CBLIF: variants seen among roughly 807,000 people sequenced by gnomAD.
CBLIF encodes the protein cobalamin binding intrinsic factor.
A neutral mutation model predicts 44.9 loss-of-function variants in CBLIF; 24 were observed. That is an observed-to-expected ratio of 0.53 (90% CI 0.39 to 0.75). The LOEUF is 0.75. Ranked by LOEUF, CBLIF falls within the 30% of genes least tolerant of loss-of-function variation. The pLI, the probability that CBLIF is intolerant of heterozygous loss-of-function variation, is 0.00. For synonymous variants in CBLIF, 183 were observed against 190.9 expected (o/e 0.96, Z 0.34); for missense variants, 481 against 513.0 (o/e 0.94, Z 0.60).
intron 5 of CBLIF, among the ~76,000 whole-genome samples, chr11:59,837,732 C>T (rs1405665155): frequency 6.6e-6 from 1 of 152,180 alleles, no homozygotes; most frequent in Non-Finnish European, 1.5e-5. Context: ...CATGTGCCCT[C>T]TTTGATGGAC....
Position 59,842,778 on chromosome 11 carries a change from A to T in CBLIF, c.371-195T>A, listed in dbSNP as rs1402155833. On this transcript the variant is annotated intron_variant, in intron 3 of 8. Coordinates refer to ENST00000257248, the MANE Select transcript of CBLIF (RefSeq NM_005142.3). ...CAGGCATCTGCAAAGAATAAAAGGG[A>T]TGACTCTGTGTCTTTAGACAGGTGA... The T allele has an allele frequency of 6.1e-6, 4 of 653,668 alleles. No homozygotes were observed. The African/African-American group carries it at 7.2e-5, about 12-fold the overall frequency. 40.5% of individuals were successfully genotyped at this position (653,668 alleles called of 1,614,324 possible).
At chr11:59,845,186 A>G in intron 1 of CBLIF, 189 bp downstream of exon 1, 1 of 747,768 alleles carries the variant, frequency 1.3e-6, no homozygotes, top group Non-Finnish European at 2.2e-6. Flanking sequence ...TAAAAAACAT[A>G]TAGACTTGTC....
Position 59,843,050 on chromosome 11 carries a change from T to C in CBLIF, c.348A>G (p.Gln116=), listed in dbSNP as rs991712279. 6.2e-7 allele frequency: 1 copy of C among 1,609,998 alleles called. No homozygotes were observed. ...PGDKVSILQR[Q]MENWAPSSPN... is the part of the protein sequence containing the mutation. ...TACTGGAAGGTGCCCAGTTCTCCAT[T>C]TGTCTTTGTAGAATGGATACTTTAT... Residue 116 remains glutamine, a synonymous_variant, in exon 3 of 9, where the codon CAA becomes CAG. Transcript: ENST00000257248.
chr11:59,841,257 T>C lies in CBLIF; in HGVS notation c.579A>G (p.Glu193=), dbSNP rs1477220677. 1.2e-6 allele frequency: 2 copies of C among 1,613,592 alleles called. No individual in the cohort carries two copies. Among genetic ancestry groups the C allele is most frequent in the Admixed American group, 1.7e-5 (1 of 60,024 alleles). ...MYNKIPVGSE[E]GYRSLFGQVL... is the part of the protein sequence containing the mutation. ...CCTGACCAAACAGGGATCTGTAACCTTCCTCTGAACCTACAGGGATCTTGT... is the reference window on the plus strand; with the variant it reads ...CCTGACCAAACAGGGATCTGTAACCCTCCTCTGAACCTACAGGGATCTTGT... Residue 193 remains glutamate, a synonymous_variant, in exon 5 of 9, where the codon GAA becomes GAG. Coordinates refer to ENST00000257248, the MANE Select transcript of CBLIF (RefSeq NM_005142.3).
At chr11:59,830,439 A>T (rs111802171) in intron 8 of CBLIF, among the ~76,000 whole-genome samples, 2,048 of 151,730 alleles carry the variant, frequency 0.013, 25 homozygotes, top group Non-Finnish European at 0.02. Flanking sequence ...GGGTTTCACC[A>T]TGTTAGCCAG....
At chr11:59,830,986 A>C (rs1866366681) in intron 8 of CBLIF, among the ~76,000 whole-genome samples, 1 of 152,232 alleles carries the variant, frequency 6.6e-6, no homozygotes. Context: ...AAGCATCTTT[A>C]CCAACCTATA....
At position 59,840,409 on chromosome 11, in the gene CBLIF, G is replaced by A. The variant is rs1049275697; in HGVS notation, c.693+734C>T. Among the ~76,000 whole-genome samples, 10 of 152,302 alleles carry A rather than the reference G, an allele frequency of 6.6e-5. No homozygotes were observed. In the East Asian group the frequency reaches 1.7e-3, roughly 26 times the overall value. On this transcript the variant is annotated intron_variant, in intron 5 of 8. Transcript: ENST00000257248. ...TTAGAGGATTCAGCCACAGATGGTT[G>A]CTAGTTTCTGATTCTAGTTGGTTAT...
In CBLIF at chr11:59,843,757, G is replaced by A. The variant is rs1866569872; in HGVS notation, c.256+122C>T. The stretch of plus-strand genomic sequence containing the variant: ...ACCTTCCAGGTATGTAAGGAAAGGT[G>A]TTTGGGTAGTTTATTTACAGTCAGA... On this transcript the variant is annotated intron_variant, in intron 2 of 8. Transcript: ENST00000257248. 3.9e-6 allele frequency: 3 copies of A among 772,254 alleles called. No individual in the cohort carries two copies. In the South Asian group the frequency reaches 4.3e-5, roughly 11 times the overall value. 47.8% of individuals were successfully genotyped at this position (772,254 alleles called of 1,614,324 possible). A position where few individuals can be genotyped will look rare whatever the true frequency, so the allele number is the denominator to read the frequency against.
intron 1 of CBLIF, among the ~76,000 whole-genome samples, chr11:59,844,489 AC>A (rs1452558891): frequency 2.0e-5 from 3 of 152,192 alleles, no homozygotes; most frequent in Non-Finnish European, 4.4e-5. Context: ...GTCCTAAGTC[AC>A]TAAAGAGAAA....
intron 7 of CBLIF, 151 bp downstream of exon 7, chr11:59,835,657 C>A (rs1866445021): frequency 2.8e-6 from 2 of 711,464 alleles, no homozygotes; most frequent in South Asian, 1.5e-5. Flanking sequence ...TTCATGAGAG[C>A]CTTACCTATT....
rs375893868 is a variant in CBLIF at position 59,841,133 on chromosome 11, A to C, written c.693+10T>G. The C allele has an allele frequency of 1.9e-5, 31 of 1,602,728 alleles. No individual in the cohort carries two copies. Among genetic ancestry groups the C allele is most frequent in the Non-Finnish European group, 1.7e-5 (20 of 1,169,640 alleles). On this transcript the variant is annotated intron_variant, in intron 5 of 8. Transcript: ENST00000257248. ...AGGAACCCAACCAAGAGCATCCAGC[A>C]CGTGTTTACCTGCATGGCGAGGCCA...
At chr11:59,841,569 G>A (rs938637433) in intron 4 of CBLIF, among the ~76,000 whole-genome samples, 3 of 152,176 alleles carry the variant, frequency 2.0e-5, no homozygotes, top group Admixed American at 2.0e-4. Flanking sequence ...GGGTGCTAGT[G>A]TTACTGACAA....
chr11:59,844,568 C>G lies in CBLIF; in HGVS notation c.80-513G>C, dbSNP rs542307427. ...CTACATCTTCTCAAATAATCCATAT[C>G]CTTAAGAAAGTGATTTTTAAATTTA... is the stretch of plus-strand genomic sequence containing the variant. On this transcript the variant is annotated intron_variant, in intron 1 of 8. Transcript: ENST00000257248. 3.3e-5 allele frequency among the ~76,000 whole-genome samples: 5 copies of G among 152,298 alleles called. No homozygotes were observed. In the South Asian group the frequency reaches 1.0e-3, roughly 32 times the overall value.
rs1349946295 is a variant in CBLIF at position 59,831,704 on chromosome 11, A to T, written c.1166T>A (p.Leu389His). The T allele has an allele frequency of 6.3e-7, 1 of 1,575,292 alleles. No homozygotes were observed. The highest frequency in any genetic ancestry group is 1.7e-5 in the Admixed American group (1 of 59,980). The part of the protein sequence containing the change: ...NVNHKTYWQF[L>H]SGVTPLNEGV... ...TTCATTCAAAGGTGTTACACCACTA[A>T]GAAACTGCCAGTATGTCTTGTGATT... The change falls in exon 8 of 9, where the codon CTT (leucine) becomes CAT (histidine). Residue 389 changes from leucine to histidine, a missense_variant. Coordinates refer to ENST00000257248, the MANE Select transcript of CBLIF (RefSeq NM_005142.3).
Position 59,829,451 on chromosome 11 carries a change from A to C in CBLIF, c.*33T>G. 7.0e-7 allele frequency: 1 copy of C among 1,420,596 alleles called. No homozygotes were observed. 88.0% of individuals were successfully genotyped at this position (1,420,596 alleles called of 1,614,324 possible). A position where few individuals can be genotyped will look rare whatever the true frequency, so the allele number is the denominator to read the frequency against. ...GGAAAAAATTTCACCCATCCTTTGG[A>C]GATGTTTGATAGAAGCTGAACCCAC... On this transcript the variant is annotated 3_prime_UTR_variant, in exon 9 of 9. Transcript: ENST00000257248.
At chr11:59,836,168 G>A (rs1866454594) in intron 6 of CBLIF, among the ~76,000 whole-genome samples, 159 bp from the exon 7 acceptor site, 1 of 152,128 alleles carries the variant, frequency 6.6e-6, no homozygotes, top group African/African-American at 2.4e-5. Flanking sequence ...ATAGAATTCC[G>A]GCAAAAACTC....
intron 5 of CBLIF, 64 bp from the exon 6 acceptor site, chr11:59,837,415 A>T: frequency 8.5e-7 from 1 of 1,173,704 alleles, no homozygotes; most frequent in Non-Finnish European, 1.3e-6. Flanking sequence ...TGGCTCTTAC[A>T]TGTCTTAAGA....
chr11:59,836,459 C>G (rs1473640342), intron 6 of CBLIF, among the ~76,000 whole-genome samples: 1 of 152,142 alleles, frequency 6.6e-6, no homozygotes. Flanking sequence ...TATGCAAGAC[C>G]TCCACTTTCC....
intron 4 of CBLIF, among the ~76,000 whole-genome samples, chr11:59,842,210 C>A (rs1866540860): frequency 6.6e-6 from 1 of 152,172 alleles, no homozygotes; most frequent in South Asian, 2.1e-4. Context: ...CCAGACATAT[C>A]AAGTATTATC....
Sources: gnomAD v4.1 joint callset for allele counts (sites outside exome capture counted in the v4.1 genomes callset) on GRCh38, gnomAD v4.1.1 for gene constraint, MANE v1.5 for transcripts, NCBI Gene and HGNC (gene_info 2026-07-23, HGNC 2026-07-21) for gene names.